The following SFSWAP variants were observed in gnomAD, a reference collection of about 807,000 sequenced individuals.
SFSWAP encodes splicing factor SWAP, also known as splicing factor, suppressor of white-apricot homolog.
Under a neutral mutation model 100.7 loss-of-function variants are expected in SFSWAP, and 17 were observed. The ratio of observed to expected loss-of-function variants is 0.17; its 90% confidence interval spans 0.12 to 0.25. The LOEUF (loss-of-function observed/expected upper bound fraction) is 0.25, where lower values mean the gene tolerates loss of function less well. Ranked by LOEUF, SFSWAP falls within the 10% of genes least tolerant of loss-of-function variation. The pLI is 1.00. For missense variants in SFSWAP, 1,005 were observed against 1,262.6 expected (o/e 0.80, Z 3.09); for synonymous variants, 504 against 510.1 (o/e 0.99, Z 0.16).
chr12:131,750,721 C>T (rs949255928), intron 7 of SFSWAP, among the ~76,000 whole-genome samples: 2 of 152,188 alleles, frequency 1.3e-5, no homozygotes, highest in African/African-American at 4.8e-5. Context: ...CTCAGGGGCT[C>T]ACTCCATCAC....
rs1318996778 is a variant in SFSWAP, at chr12:131,714,860, G to C, written c.427G>C (p.Asp143His). The C allele has an allele frequency of 1.9e-6, 3 of 1,613,998 alleles. No homozygotes were observed. In the African/African-American group the frequency reaches 4.0e-5, roughly 22 times the overall value. Residue 143 changes from aspartate to histidine, a missense_variant, in exon 3 of 18, where the codon GAT becomes CAT. Asp to His is a moderately conservative substitution (Grantham distance 81). Transcript: ENST00000261674. The surrounding 1 kb of genome is among the most constrained non-coding windows in gnomAD (Gnocchi z 6.0). ...YKRLSEALAE[D>H]GSYNAVGFTY... ...GCGATTGAGTGAAGCACTAGCAGAG[G>C]ATGGGAGCTACAATGCCGTGGGGTT...
intron 14 of SFSWAP, chr12:131,783,821 T>TATATATATATAA (rs57488564): frequency 4.4e-4 from 58 of 131,662 alleles, no homozygotes; most frequent in Admixed American, 1.2e-3. Context: ...TATATATATA[T>TATATATATATAA]AATTCTTTGT....
At chr12:131,789,839 A>G (rs1370456078) in intron 15 of SFSWAP, among the ~76,000 whole-genome samples, 1 of 152,250 alleles carries the variant, frequency 6.6e-6, no homozygotes, top group Non-Finnish European at 1.5e-5. Context: ...ATTGCATCAC[A>G]GATCAGGACA....
chr12:131,725,706 A>C lies in SFSWAP; in HGVS notation c.832+76A>C, dbSNP rs569847267. On this transcript the variant is annotated intron_variant, in intron 5 of 17. Coordinates refer to ENST00000261674, the MANE Select transcript of SFSWAP (RefSeq NM_004592.4). The surrounding 1 kb of genome is among the most constrained non-coding windows in gnomAD (Gnocchi z 4.3). ...GGCGGCAGGCTGGGTGGTTCTGGGAAAAGTGTGAAGATACACATTCTTACA... is the reference window on the plus strand; with the variant it reads ...GGCGGCAGGCTGGGTGGTTCTGGGACAAGTGTGAAGATACACATTCTTACA... 1,892 of 1,093,290 alleles carry C rather than the reference A, an allele frequency of 1.7e-3. 3 individuals carry two copies. The highest frequency in any genetic ancestry group is 2.3e-3 in the Non-Finnish European group (1,654 of 731,364). 67.7% of individuals were successfully genotyped at this position (1,093,290 alleles called of 1,614,324 possible).
In SFSWAP at chr12:131,785,167, T is replaced by C. The variant is rs1884799021; in HGVS notation, c.2409-1296T>C. The C allele has an allele frequency of 2.0e-6, 3 of 1,535,558 alleles. No homozygotes were observed. In the Admixed American group the frequency reaches 5.9e-5, roughly 30 times the overall value. On this transcript the variant is annotated intron_variant, in intron 14 of 17. Coordinates refer to ENST00000261674, the MANE Select transcript of SFSWAP (RefSeq NM_004592.4). ...CGAGCCAGGAAGTTATCAGGCAGCC[T>C]CGACCACCACCAGATTTGACTCCGC...
intron 3 of SFSWAP, among the ~76,000 whole-genome samples, chr12:131,717,022 C>T (rs567054321): frequency 5.3e-5 from 8 of 152,148 alleles, no homozygotes; most frequent in African/African-American, 1.2e-4. Flanking sequence ...TGATTAATTT[C>T]GTTAATGGAA....
At chr12:131,723,083 G>A (rs1878632066) in intron 4 of SFSWAP, among the ~76,000 whole-genome samples, 4 of 152,294 alleles carry the variant, frequency 2.6e-5, no homozygotes, top group African/African-American at 7.2e-5. Context: ...CCAAGGGACC[G>A]ACTCCAGAGC....
intron 14 of SFSWAP, among the ~76,000 whole-genome samples, chr12:131,783,070 A>G (rs551403135): frequency 6.6e-6 from 1 of 151,404 alleles, no homozygotes; most frequent in Non-Finnish European, 1.5e-5. Flanking sequence ...AATCCCAGCT[A>G]CTCGGGAGGC....
Position 131,786,580 on chromosome 12 carries a change from C to T in SFSWAP, c.2526C>T (p.Thr842=), listed in dbSNP as rs763581657. 1 of 1,589,960 alleles carries T rather than the reference C, an allele frequency of 6.3e-7. No individual in the cohort carries two copies. The highest frequency in any genetic ancestry group is 2.3e-5 in the East Asian group (1 of 43,984). ...GCCCTGGGGCCAGTAGGAAGCGGACCCGCTCCAGGTAGGCCACTGGGTGTG... is the reference window on the plus strand; with the variant it reads ...GCCCTGGGGCCAGTAGGAAGCGGACTCGCTCCAGGTAGGCCACTGGGTGTG... ...SRSPGASRKR[T]RSRSPHEKKK... is the part of the protein sequence containing the mutation. The change falls in exon 15 of 18, where the codon ACC becomes ACT. Residue 842 remains threonine (T), a synonymous_variant. Transcript: ENST00000261674.
intron 1 of SFSWAP, chr12:131,712,100 C>G (rs1484401033): frequency 6.6e-6 from 1 of 152,670 alleles, no homozygotes; most frequent in African/African-American, 2.4e-5. Context: ...CACTTGACTT[C>G]GTGCGGACCC....
chr12:131,746,544 CTCTT>C (rs1456489811), intron 7 of SFSWAP, among the ~76,000 whole-genome samples: 1 of 152,200 alleles, frequency 6.6e-6, no homozygotes, highest in East Asian at 1.9e-4. Flanking sequence ...TCTGTGACTT[CTCTT>C]TCTTTCCTGT....
chr12:131,776,580 G>A (rs1415220115), intron 13 of SFSWAP, among the ~76,000 whole-genome samples: 5 of 152,160 alleles, frequency 3.3e-5, no homozygotes, highest in South Asian at 2.1e-4. Flanking sequence ...TTGCCACAGC[G>A]GACCTAAGGA....
At chr12:131,771,428 C>T (rs1172814040) in intron 13 of SFSWAP, among the ~76,000 whole-genome samples, 2 of 152,236 alleles carry the variant, frequency 1.3e-5, no homozygotes, top group South Asian at 2.1e-4. Context: ...AGTGCACCCA[C>T]GGGGGAAATC....
intron 7 of SFSWAP, among the ~76,000 whole-genome samples, chr12:131,746,890 G>T (rs528838641): frequency 6.6e-6 from 1 of 152,124 alleles, no homozygotes; most frequent in Non-Finnish European, 1.5e-5. Context: ...AGATCATGAG[G>T]TCAGGAGATC....
At chr12:131,757,872 G>T (rs919266986) in intron 11 of SFSWAP, 1 of 152,276 alleles carries the variant, frequency 6.6e-6, no homozygotes, top group Non-Finnish European at 1.5e-5. Context: ...AATGTAATAA[G>T]TAGAGGAGGA....
chr12:131,752,335 G>T lies in SFSWAP; in HGVS notation c.1082-788G>T, dbSNP rs377564281. 2.0e-5 allele frequency among the ~76,000 whole-genome samples: 3 copies of T among 152,186 alleles called. No homozygotes were observed. In the East Asian group the frequency reaches 5.8e-4, roughly 29 times the overall value. Reference sequence around the variant, plus strand: ...ACAACAGGACTGGAAATTAAATTTCGTAATTAATCATTGAATCTTCTGTGA... The same window carrying T: ...ACAACAGGACTGGAAATTAAATTTCTTAATTAATCATTGAATCTTCTGTGA... On this transcript the variant is annotated intron_variant, in intron 7 of 17. Transcript: ENST00000261674.
At chr12:131,724,013 A>G (rs1040640425) in intron 4 of SFSWAP, among the ~76,000 whole-genome samples, 1 of 152,260 alleles carries the variant, frequency 6.6e-6, no homozygotes, top group Non-Finnish European at 1.5e-5. Context: ...TGATTTACCT[A>G]AAGTCTGCCT....
chr12:131,775,858 G>T (rs543904380), intron 13 of SFSWAP, among the ~76,000 whole-genome samples: 2 of 151,860 alleles, frequency 1.3e-5, no homozygotes, highest in African/African-American at 4.8e-5. Flanking sequence ...GGGATGCTGA[G>T]GTGTGCAGTT....
At position 131,778,625 on chromosome 12, in the gene SFSWAP, C is replaced by G. The variant is rs1214635187; in HGVS notation, c.2408+295C>G. Among the ~76,000 whole-genome samples, 1 of 152,162 alleles carries G rather than the reference C, an allele frequency of 6.6e-6. No individual in the cohort carries two copies. Among genetic ancestry groups the G allele is most frequent in the Non-Finnish European group, 1.5e-5 (1 of 68,010 alleles). ...CTCCGCTTCCCAGGTTCAAGTGATTCTCCTGCCTCAGCCTCCTGAGTAGCT... is the reference window on the plus strand; with the variant it reads ...CTCCGCTTCCCAGGTTCAAGTGATTGTCCTGCCTCAGCCTCCTGAGTAGCT... On this transcript the variant is annotated intron_variant, in intron 14 of 17. Coordinates refer to ENST00000261674, the MANE Select transcript of SFSWAP (RefSeq NM_004592.4). This position sits in a 1 kb window ranked among gnomAD's most constrained non-coding sequence, Gnocchi z 4.2.
Sources: allele counts gnomAD v4.1 joint callset (sites outside exome capture counted in the v4.1 genomes callset), GRCh38; gene constraint gnomAD v4.1.1; non-coding constraint Gnocchi (gnomAD v3.1); transcripts MANE v1.5; gene names NCBI Gene and HGNC (gene_info 2026-07-23, HGNC 2026-07-21).